NAV3: variants seen among roughly 807,000 people sequenced by gnomAD.
NAV3 encodes the protein neuron navigator 3, also known as pore membrane and/or filament interacting like protein 1.
A neutral mutation model predicts 244.7 loss-of-function variants in NAV3; 87 were observed. That is an observed-to-expected ratio of 0.36 (90% CI 0.30 to 0.42). The LOEUF is 0.42. Among genes scored for constraint, NAV3 ranks in the 20% least tolerant of loss-of-function variants. NAV3 has a pLI of 1.00. For synonymous variants in NAV3, 1,126 were observed against 1,042.2 expected (o/e 1.08, Z -1.55); for missense variants, 2,663 against 2,893.3 (o/e 0.92, Z 1.83).
chr12:77,613,006 G>T (rs560726137), intron 2 of NAV3, among the ~76,000 whole-genome samples: 3 of 152,056 alleles, frequency 2.0e-5, no homozygotes, highest in Non-Finnish European at 4.4e-5. Flanking sequence ...CCCTTCCGCC[G>T]TGATTGTAAG....
chr12:77,784,004 C>G (rs182270383), intron 2 of NAV3, among the ~76,000 whole-genome samples: 2 of 152,232 alleles, frequency 1.3e-5, no homozygotes, highest in Admixed American at 1.3e-4. Context: ...CTGCTTCTCC[C>G]TGGTGATATC....
At chr12:78,175,239 TA>T in intron 24 of NAV3, 66 bp from the exon 25 acceptor site, 1 of 1,563,940 alleles carries the variant, frequency 6.4e-7, no homozygotes. Flanking sequence ...TCAAAAGACC[TA>T]AAAGACTTAT....
intron 18 of NAV3, among the ~76,000 whole-genome samples, chr12:78,134,796 T>A (rs1235041707): frequency 6.6e-6 from 1 of 152,154 alleles, no homozygotes; most frequent in African/African-American, 2.4e-5. Context: ...CCAGTCCACA[T>A]TTATATAGGA....
chr12:77,725,722 G>T (rs933093697), intron 2 of NAV3, among the ~76,000 whole-genome samples: 11 of 151,798 alleles, frequency 7.2e-5, no homozygotes. Flanking sequence ...CAAACTTGAT[G>T]GCTGGCGACC....
chr12:77,747,404 G>A (rs1660146013), intron 2 of NAV3, among the ~76,000 whole-genome samples: 1 of 152,192 alleles, frequency 6.6e-6, no homozygotes, highest in African/African-American at 2.4e-5. Context: ...AGAGGATGTG[G>A]AGAAATAGGT....
At chr12:78,172,502 A>G (rs1193000805) in intron 24 of NAV3, among the ~76,000 whole-genome samples, 1 of 151,566 alleles carries the variant, frequency 6.6e-6, no homozygotes, top group South Asian at 2.1e-4. Flanking sequence ...GGTGAAGCTG[A>G]ACATGTATAC....
intron 5 of NAV3, among the ~76,000 whole-genome samples, chr12:77,978,346 T>C (rs956115612): frequency 9.9e-5 from 15 of 152,176 alleles, no homozygotes; most frequent in Non-Finnish European, 1.9e-4. Context: ...TTTAAAATTT[T>C]ATAACAGGAC....
chr12:77,684,009 G>A (rs1031051175), intron 2 of NAV3, among the ~76,000 whole-genome samples: 1 of 152,124 alleles, frequency 6.6e-6, no homozygotes, highest in Non-Finnish European at 1.5e-5. Flanking sequence ...AAAAGAAACT[G>A]CTTAATGATT....
chr12:78,167,096 TG>T (rs1399247947), intron 23 of NAV3, among the ~76,000 whole-genome samples: 1 of 151,744 alleles, frequency 6.6e-6, no homozygotes, highest in African/African-American at 2.4e-5. Context: ...TTTTATTTCT[TG>T]GGGGATATTT....
At chr12:78,037,215 G>A (rs3887246) in intron 9 of NAV3, 2 of 702,878 alleles carry the variant, frequency 2.8e-6, no homozygotes, top group Non-Finnish European at 5.2e-6. Context: ...GAGTGATGAA[G>A]ATAGTAGGTC....
At chr12:77,707,053 T>TTTC (rs1565780431) in intron 2 of NAV3, among the ~76,000 whole-genome samples, 55 of 150,456 alleles carry the variant, frequency 3.7e-4, no homozygotes, top group Admixed American at 8.6e-4. Context: ...GCTACCTTTT[T>TTTC]TTTCTTTCTT....
intron 12 of NAV3, among the ~76,000 whole-genome samples, chr12:78,067,517 A>T (rs74106122): frequency 6.6e-6 from 1 of 152,082 alleles, no homozygotes; most frequent in Admixed American, 6.6e-5. Flanking sequence ...AACTGTGCCC[A>T]TTGTGAATAA....
At chr12:77,875,098 A>G (rs1881657172) in intron 1 of NAV3, among the ~76,000 whole-genome samples, 1 of 152,140 alleles carries the variant, frequency 6.6e-6, no homozygotes, top group Non-Finnish European at 1.5e-5. Flanking sequence ...CTGAACATTT[A>G]CTTGCTTTTA....
At chr12:77,575,397 T>C (rs1869031989) in intron 2 of NAV3, among the ~76,000 whole-genome samples, 1 of 152,162 alleles carries the variant, frequency 6.6e-6, no homozygotes, top group African/African-American at 2.4e-5. Flanking sequence ...GATTTATTTT[T>C]TCAGTAGAAC....
At chr12:77,638,121 G>A (rs1320947759) in intron 2 of NAV3, among the ~76,000 whole-genome samples, 1 of 151,190 alleles carries the variant, frequency 6.6e-6, no homozygotes, top group Non-Finnish European at 1.5e-5. Flanking sequence ...GAAACATAGT[G>A]TAGCTAAGTC....
intron 11 of NAV3, among the ~76,000 whole-genome samples, chr12:78,053,562 A>G (rs1425576160): frequency 6.6e-6 from 1 of 152,156 alleles, no homozygotes; most frequent in Non-Finnish European, 1.5e-5. Flanking sequence ...AAGCTTATCT[A>G]GTGCATATTT....
chr12:78,205,437 CTCAAT>C (rs1960196701), intron 39 of NAV3, among the ~76,000 whole-genome samples: 1 of 151,780 alleles, frequency 6.6e-6, no homozygotes, highest in Non-Finnish European at 1.5e-5. Flanking sequence ...TATATTATGA[CTCAAT>C]TCAATAGGCA....
chr12:77,994,979 T>TGCA, intron 6 of NAV3, 108 bp downstream of exon 6: 1 of 712,420 alleles, frequency 1.4e-6, no homozygotes, highest in Non-Finnish European at 2.3e-6. Context: ...GAATGAGAAG[T>TGCA]TTAGAGCACT....
chr12:77,943,004 G>A lies in NAV3; in HGVS notation c.414+1871G>A, dbSNP rs538733035. 2.0e-5 allele frequency among the ~76,000 whole-genome samples: 3 copies of A among 152,174 alleles called. No homozygotes were observed. The South Asian group carries it at 6.2e-4, about 32-fold the overall frequency. Reference sequence around the variant, plus strand: ...AAGTCTAGAAACTCTTACCTACTTGGCTATCATTCCAATTTGATTCTGGGA... The same window carrying A: ...AAGTCTAGAAACTCTTACCTACTTGACTATCATTCCAATTTGATTCTGGGA... On this transcript the variant is annotated intron_variant, in intron 3 of 39. Transcript: ENST00000397909.
Sources: gnomAD v4.1 joint callset for allele counts (sites outside exome capture counted in the v4.1 genomes callset) on GRCh38, gnomAD v4.1.1 for gene constraint, MANE v1.5 for transcripts, NCBI Gene and HGNC (gene_info 2026-07-23, HGNC 2026-07-21) for gene names.